The following CSF2RB variants were observed in gnomAD, a reference collection of about 807,000 sequenced individuals.
CSF2RB encodes cytokine receptor common subunit beta.
CSF2RB carries 22 observed loss-of-function variants against 67.2 expected under a neutral mutation model. That is an observed-to-expected ratio of 0.33 (90% CI 0.23 to 0.47). The LOEUF (loss-of-function observed/expected upper bound fraction) is 0.47. CSF2RB is among the 20% of genes least tolerant of loss of function. The pLI, the probability that CSF2RB is intolerant of heterozygous loss-of-function variation, is 1.00. For synonymous variants in CSF2RB, 507 were observed against 482.9 expected, an observed-to-expected ratio of 1.05 and a Z score of -0.65; for missense variants, 1,113 against 1,174.5, an observed-to-expected ratio of 0.95 and a Z score of 0.76.
In CSF2RB at chr22:36,939,277, A is replaced by G; in HGVS notation, c.*775A>G. 1.4e-6 allele frequency: 1 copy of G among 702,114 alleles called. No individual in the cohort carries two copies. The allele number at this position is 702,114 out of a possible 1,614,324, so 43.5% of individuals were successfully genotyped here. ...GAAGTTAACGGCCCAAGTGGTGGGC[A>G]GGCTGGCGGGACCTGGGGAACATCA... On this transcript the variant is annotated 3_prime_UTR_variant, in exon 14 of 14. Coordinates refer to ENST00000403662, the MANE Select transcript of CSF2RB (RefSeq NM_000395.3).
intron 9 of CSF2RB, 141 bp downstream of exon 9, chr22:36,933,045 A>G: frequency 9.8e-7 from 1 of 1,016,184 alleles, no homozygotes; most frequent in East Asian, 2.5e-5. Flanking sequence ...GGTGATCACT[A>G]GGCTGTGTGG....
At chr22:36,927,658 A>T (rs556322231) in intron 4 of CSF2RB, among the ~76,000 whole-genome samples, 42 of 152,310 alleles carry the variant, frequency 2.8e-4, no homozygotes, top group African/African-American at 9.4e-4. Context: ...TGTCTCCTGC[A>T]GTCTCAGGTA....
At chr22:36,916,674 A>G (rs975669772) in intron 1 of CSF2RB, among the ~76,000 whole-genome samples, 2 of 152,100 alleles carry the variant, frequency 1.3e-5, no homozygotes, top group African/African-American at 4.8e-5. Flanking sequence ...CCTGGCCAAC[A>G]CGGTGAAACC....
chr22:36,921,936 C>T (rs2145780069), intron 1 of CSF2RB, 100 bp from the exon 2 acceptor site: 1 of 571,104 alleles, frequency 1.8e-6, no homozygotes, highest in Non-Finnish European at 3.2e-6. Context: ...AGAGGTCATG[C>T]ATGAGGGCCA....
intron 1 of CSF2RB, among the ~76,000 whole-genome samples, chr22:36,918,324 T>C (rs1164979884): frequency 1.3e-5 from 2 of 152,240 alleles, no homozygotes; most frequent in African/African-American, 4.8e-5. Context: ...TAATTTTCCC[T>C]TGGTATTTTC....
At chr22:36,935,795 G>A (rs1941254578) in intron 12 of CSF2RB, 108 bp downstream of exon 12, 1 of 1,257,544 alleles carries the variant, frequency 8.0e-7, no homozygotes, top group South Asian at 1.3e-5. Flanking sequence ...TGGTAGGGAT[G>A]TAGGTGGACT....
rs1259055754 is a variant in CSF2RB at position 36,926,144 on chromosome 22, G to A, written c.358G>A (p.Gly120Ser). 1.2e-6 allele frequency: 2 copies of A among 1,614,170 alleles called. No individual in the cohort carries two copies. Among genetic ancestry groups the A allele is most frequent in the African/African-American group, 1.3e-5 (1 of 75,038 alleles). The stretch of plus-strand genomic sequence containing the variant: ...CTCATTCCAACCAGACAGGCCTCTG[G>A]GCACCCGGCTCACCGTCACTCTGAC... ...YFSFQPDRPL[G>S]TRLTVTLTQH... Residue 120 changes from glycine to serine, a missense_variant, in exon 4 of 14, where the codon GGC (glycine) becomes AGC (serine). By Grantham distance (56) the Gly-to-Ser change is moderately conservative (BLOSUM62 0). Around this residue, in one of 2 missense-constraint regions of CSF2RB, gnomAD observed 559 missense variants for 656.5 expected, o/e 0.85. Transcript: ENST00000403662.
In CSF2RB at chr22:36,939,128, G is replaced by A. The variant is rs1006112129; in HGVS notation, c.*626G>A. ...CTCCGAGAAATGGGCATGGTATTGGGGGTCGGGGGGGCGGTGCAAGGGACG... is the reference window on the plus strand; with the variant it reads ...CTCCGAGAAATGGGCATGGTATTGGAGGTCGGGGGGGCGGTGCAAGGGACG... On this transcript the variant is annotated 3_prime_UTR_variant, in exon 14 of 14. Coordinates refer to ENST00000403662, the MANE Select transcript of CSF2RB (RefSeq NM_000395.3). 4.3e-6 allele frequency: 3 copies of A among 702,204 alleles called. No homozygotes were observed. The African/African-American group carries it at 5.2e-5, about 12-fold the overall frequency. The allele number at this position is 702,204 out of a possible 1,614,324, so 43.5% of individuals were successfully genotyped here.
intron 11 of CSF2RB, 38 bp downstream of exon 11, chr22:36,935,479 A>T (rs753210756): frequency 6.2e-7 from 1 of 1,608,226 alleles, no homozygotes; most frequent in South Asian, 1.1e-5. Context: ...GGCAGCCGAG[A>T]CCCCAGAGGG....
chr22:36,931,522 GAGA>G (rs1389395538), intron 8 of CSF2RB, among the ~76,000 whole-genome samples: 3 of 152,262 alleles, frequency 2.0e-5, no homozygotes, highest in African/African-American at 7.2e-5. Context: ...TGGCACATAA[GAGA>G]CCTCAGCAAA....
intron 1 of CSF2RB, among the ~76,000 whole-genome samples, chr22:36,915,619 A>G (rs1212142781): frequency 1.3e-5 from 2 of 152,164 alleles, no homozygotes; most frequent in Non-Finnish European, 2.9e-5. Flanking sequence ...ATTTTTCCAC[A>G]TCTGTGAAAG....
chr22:36,916,836 G>A (rs1222209781), intron 1 of CSF2RB, among the ~76,000 whole-genome samples: 1 of 152,086 alleles, frequency 6.6e-6, no homozygotes, highest in Non-Finnish European at 1.5e-5. Flanking sequence ...TCCAGCCTGG[G>A]CAACAGAGTG....
At chr22:36,924,775 T>G (rs1400882097) in intron 3 of CSF2RB, among the ~76,000 whole-genome samples, 1 of 152,056 alleles carries the variant, frequency 6.6e-6, no homozygotes, top group Non-Finnish European at 1.5e-5. Flanking sequence ...TCCCTGCAGT[T>G]TCTCTTGCAC....
In CSF2RB at chr22:36,938,790, T is replaced by A. The variant is rs131841; in HGVS notation, c.*288T>A. The A allele has an allele frequency of 7.5e-3, 4,108 of 547,430 alleles. 31 individuals are homozygous for A. Among genetic ancestry groups the A allele is most frequent in the Non-Finnish European group, 9.6e-3 (2,968 of 310,768 alleles). 33.9% of individuals were successfully genotyped at this position (547,430 alleles called of 1,614,324 possible). On this transcript the variant is annotated 3_prime_UTR_variant, in exon 14 of 14. Transcript: ENST00000403662. ...GAACTTTCTAGATATACTCATTCCA[T>A]CTCCCCCTCATTTTTTTAATCAGGT...
intron 9 of CSF2RB, among the ~76,000 whole-genome samples, chr22:36,933,161 A>G (rs1205872311): frequency 6.6e-6 from 1 of 152,096 alleles, no homozygotes; most frequent in Non-Finnish European, 1.5e-5. Context: ...GCAACAGAAG[A>G]CCCTCTGGGC....
chr22:36,916,457 G>A (rs780404616), intron 1 of CSF2RB, among the ~76,000 whole-genome samples: 4 of 152,054 alleles, frequency 2.6e-5, no homozygotes, highest in Non-Finnish European at 4.4e-5. Context: ...TACATACTTC[G>A]TTATTTTCTT....
intron 1 of CSF2RB, among the ~76,000 whole-genome samples, chr22:36,914,766 T>C (rs1940681252): frequency 6.6e-6 from 1 of 152,256 alleles, no homozygotes; most frequent in African/African-American, 2.4e-5. Context: ...GAGTAAACAT[T>C]TCCTATTAGC....
chr22:36,924,922 G>C (rs1940975382), intron 3 of CSF2RB, among the ~76,000 whole-genome samples: 1 of 152,062 alleles, frequency 6.6e-6, no homozygotes, highest in South Asian at 2.1e-4. Flanking sequence ...ACTCTGCAGA[G>C]ACCCCCTCAG....
intron 2 of CSF2RB, 116 bp downstream of exon 2, chr22:36,922,399 CCTCT>C (rs1940898619): frequency 2.1e-6 from 2 of 952,100 alleles, no homozygotes; most frequent in South Asian, 2.8e-5. Flanking sequence ...TGCTCCCCTC[CCTCT>C]GTCTCTCCCC....
Sources: allele counts gnomAD v4.1 joint callset (sites outside exome capture counted in the v4.1 genomes callset), GRCh38; gene constraint gnomAD v4.1.1; regional missense constraint gnomAD v4.1.1; transcripts MANE v1.5; gene names NCBI Gene and HGNC (gene_info 2026-07-23, HGNC 2026-07-21).